Variants in PACSIN3 observed in about 807,000 individuals in gnomAD.
PACSIN3 encodes protein kinase C and casein kinase substrate in neurons 3, also known as protein kinase C and casein kinase substrate in neurons protein 3.
Under a neutral mutation model 56.1 loss-of-function variants are expected in PACSIN3, and 34 were observed. The ratio of observed to expected loss-of-function variants is 0.61; its 90% CI spans 0.46 to 0.81. PACSIN3 has a LOEUF of 0.81. PACSIN3 is among the 30% of genes least tolerant of loss of function. The pLI is 0.00. For missense variants in PACSIN3, 535 were observed against 592.4 expected, an observed-to-expected ratio of 0.90 and a Z score of 1.01; for synonymous variants, 218 against 229.8, an observed-to-expected ratio of 0.95 and a Z score of 0.46.
At chr11:47,185,777 C>G (rs753503022) in intron 1 of PACSIN3, 4 of 152,576 alleles carry the variant, frequency 2.6e-5, no homozygotes, top group African/African-American at 4.8e-5. Flanking sequence ...CCCTTGCCGC[C>G]CGGAGCTGCA....
Position 47,177,649 on chromosome 11 carries a change from G to T in PACSIN3, c.*282C>A. The T allele has an allele frequency of 2.1e-6, 1 of 482,194 alleles. No homozygotes were observed. Among genetic ancestry groups the T allele is most frequent in the Non-Finnish European group, 3.7e-6 (1 of 269,336 alleles). 29.9% of individuals were successfully genotyped at this position (482,194 alleles called of 1,614,324 possible). ...CCACCCCAGGAACCCCAAAGCAGAG[G>T]TCAGGAACTGAGTCCACAGCTCCTG... On this transcript the variant is annotated 3_prime_UTR_variant, in exon 11 of 11. Coordinates refer to ENST00000298838, the MANE Select transcript of PACSIN3 (RefSeq NM_016223.5).
rs912368953 is a variant in PACSIN3 at position 47,186,388 on chromosome 11, C to G, written c.-143G>C. 6.6e-6 allele frequency: 1 copy of G among 151,262 alleles called. No individual in the cohort carries two copies. 9.4% of individuals were successfully genotyped at this position (151,262 alleles called of 1,614,324 possible). ...GCCCCTCGGCGGGTGGGGGTCCGGCCACGCTCCGGCCCGAGTCCTGCCGCT... is the reference window on the plus strand; with the variant it reads ...GCCCCTCGGCGGGTGGGGGTCCGGCGACGCTCCGGCCCGAGTCCTGCCGCT... On this transcript the variant is annotated 5_prime_UTR_variant, in exon 1 of 11. Coordinates refer to ENST00000298838, the MANE Select transcript of PACSIN3 (RefSeq NM_016223.5). The surrounding 1 kb of genome is among the most constrained non-coding windows in gnomAD (Gnocchi z 4.5).
rs773052997 is a variant in PACSIN3 at position 47,180,294 on chromosome 11, C to A, written c.495G>T (p.Lys165Asn). 12 of 1,602,890 alleles carry A rather than the reference C, an allele frequency of 7.5e-6. No homozygotes were observed. The South Asian group carries it at 1.3e-4, about 18-fold the overall frequency. ...CGTGGCTCTCCCTCGTCTGGGCGGTCTTCTCATCCTTCCGGGCTGCGTGGT... is the reference window on the plus strand; with the variant it reads ...CGTGGCTCTCCCTCGTCTGGGCGGTATTCTCATCCTTCCGGGCTGCGTGGT... ...KSYHAARKDEKTAQTRESHAK... is the reference protein window; with the variant it reads ...KSYHAARKDENTAQTRESHAK... The change falls in exon 6 of 11, where the codon AAG becomes AAT. Residue 165 changes from lysine to asparagine, a missense_variant. Coordinates refer to ENST00000298838, the MANE Select transcript of PACSIN3 (RefSeq NM_016223.5).
Position 47,178,936 on chromosome 11 carries a change from C to G in PACSIN3, c.995G>C (p.Arg332Thr). The G allele has an allele frequency of 6.2e-7, 1 of 1,614,076 alleles. No individual in the cohort carries two copies. Among genetic ancestry groups the G allele is most frequent in the Non-Finnish European group, 8.5e-7 (1 of 1,180,014 alleles). ...CTGGGGTGGGGGTGCGGTGCCATCTCTTGTAGGCACAATGCTGGTCAGGGT... is the reference window on the plus strand; with the variant it reads ...CTGGGGTGGGGGTGCGGTGCCATCTGTTGTAGGCACAATGCTGGTCAGGGT... ...EVTLTSIVPT[R>T]DGTAPPPQSP... The change falls in exon 9 of 11, where the codon AGA becomes ACA. Residue 332 changes from arginine to threonine, a missense_variant. Coordinates refer to ENST00000298838, the MANE Select transcript of PACSIN3 (RefSeq NM_016223.5). This position sits in a 1 kb window ranked among gnomAD's most constrained non-coding sequence, Gnocchi z 4.2.
Position 47,177,897 on chromosome 11 carries a change from G to T in PACSIN3, c.*34C>A. 2 of 1,520,942 alleles carry T rather than the reference G, an allele frequency of 1.3e-6. No homozygotes were observed. The highest frequency in any genetic ancestry group is 1.8e-6 in the Non-Finnish European group (2 of 1,095,326). The allele number at this position is 1,520,942 out of a possible 1,614,324, so 94.2% of individuals were successfully genotyped here. On this transcript the variant is annotated 3_prime_UTR_variant, in exon 11 of 11. Transcript: ENST00000298838. ...AGGAGAAGCTGGGCTCTGAACCAGG[G>T]TGGGTAAACGTTGCAGAAGGGCTGT... is the stretch of plus-strand genomic sequence containing the variant.
At chr11:47,180,074 G>T in intron 6 of PACSIN3, 112 bp downstream of exon 6, 1 of 941,602 alleles carries the variant, frequency 1.1e-6, no homozygotes, top group Non-Finnish European at 1.6e-6. Flanking sequence ...GGTGGCAGGT[G>T]AGGAATAGGG....
Position 47,177,770 on chromosome 11 carries a change from G to A in PACSIN3, c.*161C>T. ...CCCTTCCCTACCAGTCCCTTCCCTA[G>A]ACAAAGGCCCCTCCCCTCCCTGGGT... On this transcript the variant is annotated 3_prime_UTR_variant, in exon 11 of 11. Coordinates refer to ENST00000298838, the MANE Select transcript of PACSIN3 (RefSeq NM_016223.5). The A allele has an allele frequency of 1.5e-6, 1 of 661,010 alleles. No homozygotes were observed. The highest frequency in any genetic ancestry group is 2.7e-6 in the Non-Finnish European group (1 of 373,680). 40.9% of individuals were successfully genotyped at this position (661,010 alleles called of 1,614,324 possible). A position where few individuals can be genotyped will look rare whatever the true frequency, so the allele number is the denominator to read the frequency against.
In PACSIN3 at chr11:47,180,311, C is replaced by A; in HGVS notation, c.478G>T (p.Ala160Ser). ...VEASKKSYHA[A>S]RKDEKTAQTR... The stretch of plus-strand genomic sequence containing the variant: ...TGGGCGGTCTTCTCATCCTTCCGGG[C>A]TGCGTGGTAGCTTTTCTTGGAAGCC... Residue 160 changes from alanine to serine, a missense_variant, in exon 6 of 11, where the codon GCC becomes TCC. Transcript: ENST00000298838. 6.2e-7 allele frequency: 1 copy of A among 1,602,558 alleles called. No individual in the cohort carries two copies. The highest frequency in any genetic ancestry group is 8.5e-7 in the Non-Finnish European group (1 of 1,179,968).
In PACSIN3 at chr11:47,178,045, C is replaced by G; in HGVS notation, c.1161G>C (p.Gly387=). 1.2e-6 allele frequency: 2 copies of G among 1,613,128 alleles called. No individual in the cohort carries two copies. Among genetic ancestry groups the G allele is most frequent in the Non-Finnish European group, 1.7e-6 (2 of 1,179,364 alleles). Residue 387 remains glycine (G), a splice_region_variant and synonymous_variant, in exon 11 of 11, where the codon GGG becomes GGC. Transcript: ENST00000298838. This position sits in a 1 kb window ranked among gnomAD's most constrained non-coding sequence, Gnocchi z 4.2. ...QEADELSFRA[G]EELLKMSEED... ...CCTCACTCATCTTCAGCAGCTCCTC[C>G]CCTGGGGGAAAGGGGATTGGTCACT... is the stretch of plus-strand genomic sequence containing the variant.
Position 47,186,156 on chromosome 11 carries a change from C to G in PACSIN3, c.-104+193G>C, listed in dbSNP as rs1196282499. On this transcript the variant is annotated intron_variant, in intron 1 of 10. Coordinates refer to ENST00000298838, the MANE Select transcript of PACSIN3 (RefSeq NM_016223.5). This position sits in a 1 kb window ranked among gnomAD's most constrained non-coding sequence, Gnocchi z 4.5. ...GGGCGGCCTGCGGAATTGCGAAGCC[C>G]GCGGCACCGCAGATGGGACGGCCCC... 6.6e-6 allele frequency among the ~76,000 whole-genome samples: 1 copy of G among 151,980 alleles called. No homozygotes were observed. The highest frequency in any genetic ancestry group is 1.5e-5 in the Non-Finnish European group (1 of 67,942).
At chr11:47,182,960 T>G in intron 2 of PACSIN3, 44 bp downstream of exon 2, 10 of 469,896 alleles carry the variant, frequency 2.1e-5, no homozygotes, top group Admixed American at 4.1e-5. Context: ...CTCAAAGCTC[T>G]TCCTCTCACT....
Position 47,178,243 on chromosome 11 carries a change from C to T in PACSIN3, c.1159+123G>A. Reference sequence around the variant, plus strand: ...AGCCACCAGGCACCAGCTATCTGGACCTGGAACAGCTGAAGGGACAGAGGA... The same window carrying T: ...AGCCACCAGGCACCAGCTATCTGGATCTGGAACAGCTGAAGGGACAGAGGA... On this transcript the variant is annotated intron_variant, in intron 10 of 10. Transcript: ENST00000298838. The surrounding 1 kb of genome is among the most constrained non-coding windows in gnomAD (Gnocchi z 4.2). 1 of 1,388,106 alleles carries T rather than the reference C, an allele frequency of 7.2e-7. No individual in the cohort carries two copies. The allele number at this position is 1,388,106 out of a possible 1,614,324, so 86.0% of individuals were successfully genotyped here. A position where few individuals can be genotyped will look rare whatever the true frequency, so the allele number is the denominator to read the frequency against.
chr11:47,177,811 C>T lies in PACSIN3; in HGVS notation c.*120G>A, dbSNP rs1952910936. On this transcript the variant is annotated 3_prime_UTR_variant, in exon 11 of 11. Transcript: ENST00000298838. ...CTCCCTGGGTCCCAGGACTTCCTCC[C>T]TCAAGGGACAGAGGAGCAGCCAGAG... 2 of 787,346 alleles carry T rather than the reference C, an allele frequency of 2.5e-6. No homozygotes were observed. Among genetic ancestry groups the T allele is most frequent in the South Asian group, 1.5e-5 (1 of 68,546 alleles). 48.8% of individuals were successfully genotyped at this position (787,346 alleles called of 1,614,324 possible).
chr11:47,185,217 C>CG (rs1465160986), intron 1 of PACSIN3: 3 of 152,362 alleles, frequency 2.0e-5, no homozygotes, highest in Non-Finnish European at 4.4e-5. Flanking sequence ...TGCAGCTGCA[C>CG]GGGCCAAGGT....
At position 47,179,267 on chromosome 11, in the gene PACSIN3, G is replaced by A; in HGVS notation, c.792C>T (p.Leu264=). Residue 264 remains leucine (L), a synonymous_variant, in exon 8 of 11, where the codon CTC becomes CTT. Coordinates refer to ENST00000298838, the MANE Select transcript of PACSIN3 (RefSeq NM_016223.5). The surrounding 1 kb of genome is among the most constrained non-coding windows in gnomAD (Gnocchi z 4.4). ...CAATGCCCTGGTGCAAGTCACGGTG[G>A]AGTTCATGGAACCTATGACCCAAGG... ...DLSSSEKFHE[L]HRDLHQGIEA... 6.2e-7 allele frequency: 1 copy of A among 1,614,040 alleles called. No homozygotes were observed. The highest frequency in any genetic ancestry group is 1.1e-5 in the South Asian group (1 of 91,082).
At position 47,177,649 on chromosome 11, in the gene PACSIN3, G is replaced by A. The variant is rs977883468; in HGVS notation, c.*282C>T. The A allele has an allele frequency of 4.1e-6, 2 of 482,076 alleles. No individual in the cohort carries two copies. Among genetic ancestry groups the A allele is most frequent in the Non-Finnish European group, 3.7e-6 (1 of 269,344 alleles). The allele number at this position is 482,076 out of a possible 1,614,324, so 29.9% of individuals were successfully genotyped here. The stretch of plus-strand genomic sequence containing the variant: ...CCACCCCAGGAACCCCAAAGCAGAG[G>A]TCAGGAACTGAGTCCACAGCTCCTG... On this transcript the variant is annotated 3_prime_UTR_variant, in exon 11 of 11. Transcript: ENST00000298838.
rs375277583 is a variant in PACSIN3 at position 47,180,308 on chromosome 11, G to C, written c.481C>G (p.Arg161Gly). 3.7e-6 allele frequency: 6 copies of C among 1,602,582 alleles called. No homozygotes were observed. In the South Asian group the frequency reaches 6.6e-5, roughly 18 times the overall value. ...GTCTGGGCGGTCTTCTCATCCTTCC[G>C]GGCTGCGTGGTAGCTTTTCTTGGAA... Reference protein sequence around the residue: ...EASKKSYHAARKDEKTAQTRE... With the variant: ...EASKKSYHAAGKDEKTAQTRE... Residue 161 changes from arginine (R) to glycine (G), a missense_variant, in exon 6 of 11, where the codon CGG becomes GGG. Transcript: ENST00000298838.
Position 47,179,095 on chromosome 11 carries a change from G to A in PACSIN3, c.900+64C>T, listed in dbSNP as rs1952960804. On this transcript the variant is annotated intron_variant, in intron 8 of 10. Transcript: ENST00000298838. The surrounding 1 kb of genome is among the most constrained non-coding windows in gnomAD (Gnocchi z 4.4). Reference sequence around the variant, plus strand: ...ACCACCTTCACTTACTTCATCCCTAGCCCTGGCCGAGCTGAGTGGGAGCCC... The same window carrying A: ...ACCACCTTCACTTACTTCATCCCTAACCCTGGCCGAGCTGAGTGGGAGCCC... 6.2e-7 allele frequency: 1 copy of A among 1,613,570 alleles called. No homozygotes were observed. Among genetic ancestry groups the A allele is most frequent in the South Asian group, 1.1e-5 (1 of 91,086 alleles).
At position 47,178,049 on chromosome 11, in the gene PACSIN3, G is replaced by A. The variant is rs1301352835; in HGVS notation, c.1160-3C>T. ...ACTCATCTTCAGCAGCTCCTCCCCT[G>A]GGGGAAAGGGGATTGGTCACTGCCA... On this transcript the variant is annotated splice_region_variant and splice_polypyrimidine_tract_variant and intron_variant, in intron 10 of 10. Transcript: ENST00000298838. This position sits in a 1 kb window ranked among gnomAD's most constrained non-coding sequence, Gnocchi z 4.2. 1 of 1,610,768 alleles carries A rather than the reference G, an allele frequency of 6.2e-7. No homozygotes were observed. The highest frequency in any genetic ancestry group is 1.3e-5 in the African/African-American group (1 of 74,836).
Sources: gnomAD v4.1 joint callset for allele counts (sites outside exome capture counted in the v4.1 genomes callset) on GRCh38, gnomAD v4.1.1 for gene constraint, Gnocchi (gnomAD v3.1) non-coding constraint, MANE v1.5 for transcripts, NCBI Gene and HGNC (gene_info 2026-07-23, HGNC 2026-07-21) for gene names.